The following SPEN variants were observed in gnomAD, a reference collection of about 807,000 sequenced individuals.
The protein encoded by SPEN is msx2-interacting protein.
Under a neutral mutation model 269.9 loss-of-function variants are expected in SPEN, and 18 were observed. The observed-to-expected ratio is 0.07, with a 90% CI of 0.05 to 0.10. The LOEUF (loss-of-function observed/expected upper bound fraction) is 0.10. SPEN is among the 10% of genes least tolerant of loss of function. The pLI, the probability that SPEN is intolerant of heterozygous loss-of-function variation, is 1.00. For synonymous variants in SPEN, 1,726 were observed against 1,765.7 expected (o/e 0.98, Z 0.56); for missense variants, 3,822 against 4,631.2 (o/e 0.83, Z 5.07).
chr1:15,930,146 C>G lies in SPEN; in HGVS notation c.3906C>G (p.Val1302=), dbSNP rs766811526. The change falls in exon 11 of 15, where the codon GTC becomes GTG. Residue 1302 remains valine (V), a synonymous_variant. Transcript: ENST00000375759. The surrounding 1 kb of genome is among the most constrained non-coding windows in gnomAD (Gnocchi z 5.3). ...TCCTCCCCTATTCTAACATAACAGT[C>G]AGGGAAGAGTCTTTAAAATTTAATC... The part of the protein sequence containing the change: ...EKVLPYSNIT[V]REESLKFNPY... The G allele has an allele frequency of 2.5e-6, 4 of 1,614,064 alleles. No individual in the cohort carries two copies. Among genetic ancestry groups the G allele is most frequent in the Non-Finnish European group, 3.4e-6 (4 of 1,180,050 alleles).
intron 1 of SPEN, among the ~76,000 whole-genome samples, chr1:15,872,063 C>A (rs1470939352): frequency 2.0e-5 from 3 of 151,332 alleles, no homozygotes; most frequent in African/African-American, 7.3e-5. Flanking sequence ...GGCGAAACCC[C>A]ATCTCTACTA....
At chr1:15,912,842 TATTA>T (rs2071023659) in intron 5 of SPEN, among the ~76,000 whole-genome samples, 2 of 152,162 alleles carry the variant, frequency 1.3e-5, no homozygotes, top group Admixed American at 1.3e-4. Flanking sequence ...CAATTATAAT[TATTA>T]AGTAAGGAGG....
chr1:15,894,573 G>A (rs1417913842), intron 3 of SPEN, among the ~76,000 whole-genome samples: 2 of 123,850 alleles, frequency 1.6e-5, no homozygotes, highest in African/African-American at 6.6e-5. Context: ...ACGGAGTCTC[G>A]CTCTTTCGCC....
Position 15,931,605 on chromosome 1 carries a change from C to G in SPEN, c.5365C>G (p.Gln1789Glu). ...ATADAEPDANQKAEAAPESQP... is the reference protein window; with the variant it reads ...ATADAEPDANEKAEAAPESQP... ...TGCAGATGCTGAGCCTGATGCAAACCAGAAAGCCGAAGCTGCTCCTGAGTC... is the reference window on the plus strand; with the variant it reads ...TGCAGATGCTGAGCCTGATGCAAACGAGAAAGCCGAAGCTGCTCCTGAGTC... The change falls in exon 11 of 15, where the codon CAG (glutamine) becomes GAG (glutamate). Residue 1789 changes from glutamine (Q) to glutamate (E), a missense_variant. Physicochemically the swap from Gln to Glu is conservative, Grantham distance 29. Around this residue, in one of 16 missense-constraint regions of SPEN, gnomAD observed 533 missense variants for 618.8 expected, o/e 0.86. Transcript: ENST00000375759. This position sits in a 1 kb window ranked among gnomAD's most constrained non-coding sequence, Gnocchi z 4.8. 1 of 1,614,064 alleles carries G rather than the reference C, an allele frequency of 6.2e-7. No homozygotes were observed. Among genetic ancestry groups the G allele is most frequent in the Non-Finnish European group, 8.5e-7 (1 of 1,179,994 alleles).
intron 1 of SPEN, among the ~76,000 whole-genome samples, chr1:15,855,334 G>A (rs894798194): frequency 6.6e-6 from 1 of 152,002 alleles, no homozygotes; most frequent in Admixed American, 6.6e-5. Context: ...TACACATAAC[G>A]TATGTACTTT....
chr1:15,888,091 AATTTT>A (rs1031061086), intron 3 of SPEN, among the ~76,000 whole-genome samples: 2 of 150,726 alleles, frequency 1.3e-5, no homozygotes, highest in South Asian at 2.1e-4. Flanking sequence ...TTAAATAACA[AATTTT>A]ATTTTATTTT....
intron 3 of SPEN, among the ~76,000 whole-genome samples, chr1:15,908,572 G>A (rs539199241): frequency 2.6e-5 from 4 of 152,162 alleles, no homozygotes; most frequent in East Asian, 3.9e-4. Context: ...GCAGGCGCAC[G>A]CCACCACACC....
chr1:15,856,468 A>G (rs1276265713), intron 1 of SPEN, among the ~76,000 whole-genome samples: 1 of 151,740 alleles, frequency 6.6e-6, no homozygotes, highest in African/African-American at 2.4e-5. Context: ...TACAAATCAT[A>G]TATATTTTCA....
At chr1:15,877,306 T>A (rs1243293509) in intron 3 of SPEN, among the ~76,000 whole-genome samples, 2 of 152,220 alleles carry the variant, frequency 1.3e-5, no homozygotes, top group African/African-American at 4.8e-5. Context: ...TCTCACTGTG[T>A]CACCAAGGCT....
chr1:15,848,167 C>T lies in SPEN; in HGVS notation c.83+17C>T. 2.8e-6 allele frequency: 4 copies of T among 1,442,580 alleles called. No homozygotes were observed. The highest frequency in any genetic ancestry group is 1.3e-5 in the South Asian group (1 of 74,910). The allele number at this position is 1,442,580 out of a possible 1,614,324, so 89.4% of individuals were successfully genotyped here. On this transcript the variant is annotated intron_variant, in intron 1 of 14. Coordinates refer to ENST00000375759, the MANE Select transcript of SPEN (RefSeq NM_015001.3). This position sits in a 1 kb window ranked among gnomAD's most constrained non-coding sequence, Gnocchi z 5.1. ...TTTCAAACGGTGAGTGACACGAGGC[C>T]CGCGGCCGCGCTCGCTCCTCGGGCG...
At chr1:15,851,827 C>G (rs2148700706) in intron 1 of SPEN, among the ~76,000 whole-genome samples, 1 of 152,134 alleles carries the variant, frequency 6.6e-6, no homozygotes, top group Non-Finnish European at 1.5e-5. Context: ...TACTAAAATA[C>G]AAAAAATTAG....
intron 3 of SPEN, among the ~76,000 whole-genome samples, chr1:15,899,124 G>A (rs1397555846): frequency 6.6e-6 from 1 of 152,150 alleles, no homozygotes; most frequent in South Asian, 2.1e-4. Flanking sequence ...TTTCCCGTCA[G>A]TAATGCACAA....
rs1482835939 is a variant in SPEN at position 15,936,096 on chromosome 1, C to T, written c.9856C>T (p.Pro3286Ser). The change falls in exon 11 of 15, where the codon CCT (proline) becomes TCT (serine). Residue 3286 changes from proline (P) to serine (S), a missense_variant. By Grantham distance (74) the Pro-to-Ser change is moderately conservative. Around this residue, in one of 16 missense-constraint regions of SPEN, gnomAD observed 359 missense variants for 377.3 expected, o/e 0.95. Transcript: ENST00000375759. Reference protein sequence around the residue: ...NQLQGLPLTPPVVVTHGVQIV... With the variant: ...NQLQGLPLTPSVVVTHGVQIV... ...ACTCCAGGGGCTGCCTCTGACCCCTCCTGTGGTGGTGACCCATGGGGTGCA... is the reference window on the plus strand; with the variant it reads ...ACTCCAGGGGCTGCCTCTGACCCCTTCTGTGGTGGTGACCCATGGGGTGCA... The T allele has an allele frequency of 8.7e-6, 14 of 1,609,664 alleles. No homozygotes were observed. Among genetic ancestry groups the T allele is most frequent in the Non-Finnish European group, 1.2e-5 (14 of 1,177,052 alleles).
chr1:15,934,710 A>G lies in SPEN; in HGVS notation c.8470A>G (p.Thr2824Ala). The G allele has an allele frequency of 1.2e-6, 2 of 1,614,140 alleles. No homozygotes were observed. Among genetic ancestry groups the G allele is most frequent in the Non-Finnish European group, 1.7e-6 (2 of 1,180,036 alleles). The change falls in exon 11 of 15, where the codon ACC (threonine) becomes GCC (alanine). Residue 2824 changes from threonine to alanine, a missense_variant. By Grantham distance (58) the Thr-to-Ala change is moderately conservative. This residue lies in a region of SPEN where 329 missense variants were observed against 431.2 expected (regional missense o/e 0.76). Transcript: ENST00000375759. The surrounding 1 kb of genome is among the most constrained non-coding windows in gnomAD (Gnocchi z 9.2). ...VVLLSYSGQK[T>A]EGPQRISAKI... is the part of the protein sequence containing the mutation. ...GCTCCTGAGTTACTCAGGGCAGAAGACCGAAGGCCCACAGCGGATCAGCGC... is the reference window on the plus strand; with the variant it reads ...GCTCCTGAGTTACTCAGGGCAGAAGGCCGAAGGCCCACAGCGGATCAGCGC...
At position 15,937,872 on chromosome 1, in the gene SPEN, C is replaced by T; in HGVS notation, c.10570C>T (p.Leu3524Phe). 1 of 1,614,218 alleles carries T rather than the reference C, an allele frequency of 6.2e-7. No individual in the cohort carries two copies. Among genetic ancestry groups the T allele is most frequent in the Non-Finnish European group, 8.5e-7 (1 of 1,180,046 alleles). Residue 3524 changes from leucine (L) to phenylalanine (F), a missense_variant, in exon 13 of 15, where the codon CTC (leucine) becomes TTC (phenylalanine). Around this residue, in one of 16 missense-constraint regions of SPEN, gnomAD observed 103 missense variants for 215.8 expected, o/e 0.48. Coordinates refer to ENST00000375759, the MANE Select transcript of SPEN (RefSeq NM_015001.3). The surrounding 1 kb of genome is among the most constrained non-coding windows in gnomAD (Gnocchi z 5.7). ...ALKNDTAAVQ[L>F]HFVSGNNVLA... ...CAAGAATGACACAGCTGCTGTGCAG[C>T]TCCACTTCGTCTCTGGCAACAACGT... is the stretch of plus-strand genomic sequence containing the variant.
At chr1:15,883,871 G>A (rs1033388630) in intron 3 of SPEN, among the ~76,000 whole-genome samples, 1 of 134,270 alleles carries the variant, frequency 7.4e-6, no homozygotes, top group Admixed American at 8.4e-5. Flanking sequence ...GTGCAGTGGT[G>A]TGATCTCGAC....
At chr1:15,888,177 C>T (rs980084133) in intron 3 of SPEN, among the ~76,000 whole-genome samples, 6 of 151,098 alleles carry the variant, frequency 4.0e-5, no homozygotes, top group African/African-American at 7.3e-5. Flanking sequence ...GGTGCTGTCT[C>T]AGCTCACTGC....
chr1:15,906,132 C>G (rs1191373587), intron 3 of SPEN, among the ~76,000 whole-genome samples: 1 of 152,118 alleles, frequency 6.6e-6, no homozygotes, highest in Non-Finnish European at 1.5e-5. Flanking sequence ...TAACAAGTAT[C>G]TTTTTCCTTC....
At chr1:15,910,443 C>G (rs2148728917) in intron 4 of SPEN, among the ~76,000 whole-genome samples, 1 of 152,136 alleles carries the variant, frequency 6.6e-6, no homozygotes, top group East Asian at 1.9e-4. Flanking sequence ...ATAGACGATG[C>G]CTTTCCATTT....
Sources: allele counts gnomAD v4.1 joint callset (sites outside exome capture counted in the v4.1 genomes callset), GRCh38; gene constraint gnomAD v4.1.1; regional missense constraint gnomAD v4.1.1; non-coding constraint Gnocchi (gnomAD v3.1); transcripts MANE v1.5; gene names NCBI Gene and HGNC (gene_info 2026-07-23, HGNC 2026-07-21).